Variants in RIMBP2 observed in about 807,000 individuals in gnomAD.
The protein encoded by RIMBP2 is RIMS binding protein 2.
RIMBP2 carries 48 observed loss-of-function variants against 118.6 expected under a neutral mutation model. The observed-to-expected ratio is 0.40, with a 90% CI of 0.32 to 0.51. The LOEUF is 0.51. Ranked by LOEUF, RIMBP2 falls within the 20% of genes least tolerant of loss-of-function variation. The pLI is 0.41. For synonymous variants in RIMBP2, 762 were observed against 742.9 expected (o/e 1.03, Z -0.42); for missense variants, 1,551 against 1,768.3 (o/e 0.88, Z 2.20).
chr12:130,453,222 G>A (rs1349509284), intron 7 of RIMBP2, among the ~76,000 whole-genome samples: 6 of 152,278 alleles, frequency 3.9e-5, no homozygotes, highest in Admixed American at 3.3e-4. Flanking sequence ...CATGAGCAAC[G>A]CCTGCCCTCA....
At chr12:130,439,406 T>C (rs1428862308) in intron 11 of RIMBP2, among the ~76,000 whole-genome samples, 2 of 150,180 alleles carry the variant, frequency 1.3e-5, no homozygotes, top group African/African-American at 2.5e-5. Flanking sequence ...TGTGTATGTA[T>C]ATATGTGTAT....
At chr12:130,537,798 C>G (rs910273332) in intron 2 of RIMBP2, among the ~76,000 whole-genome samples, 1 of 152,148 alleles carries the variant, frequency 6.6e-6, no homozygotes, top group Non-Finnish European at 1.5e-5. Context: ...AATGAGTTTG[C>G]CTATCTGCCT....
At chr12:130,512,098 T>C (rs991056156) in intron 3 of RIMBP2, among the ~76,000 whole-genome samples, 20 of 152,290 alleles carry the variant, frequency 1.3e-4, no homozygotes, top group Non-Finnish European at 1.2e-4. Context: ...TAAAACACGA[T>C]AAATATTGGC....
intron 1 of RIMBP2, among the ~76,000 whole-genome samples, chr12:130,713,764 C>T (rs1205110357): frequency 6.6e-6 from 1 of 152,184 alleles, no homozygotes; most frequent in African/African-American, 2.4e-5. Context: ...AGGAAGCTCC[C>T]GGGTCAGGCC....
Position 130,451,221 on chromosome 12 carries a change from T to A in RIMBP2, c.478A>T (p.Ser160Cys). 2 of 1,614,088 alleles carry A rather than the reference T, an allele frequency of 1.2e-6. No individual in the cohort carries two copies. The highest frequency in any genetic ancestry group is 1.7e-6 in the Non-Finnish European group (2 of 1,179,970). ...TCTGACTCAGATCTGCATCTTGCGC[T>A]ACCGGATCTCGACAGGAAGGTGGGC... is the stretch of plus-strand genomic sequence containing the variant. ...AKPTFLSRSGSARCRSESDME... is the reference protein window; with the variant it reads ...AKPTFLSRSGCARCRSESDME... Residue 160 changes from serine (S) to cysteine (C), a missense_variant, in exon 8 of 23, where the codon AGC becomes TGC. Around this residue, in one of 5 missense-constraint regions of RIMBP2, gnomAD observed 239 missense variants for 256.8 expected, o/e 0.93. Transcript: ENST00000690449.
At position 130,482,956 on chromosome 12, in the gene RIMBP2, C is replaced by T. The variant is rs113028383; in HGVS notation, c.-3-3940G>A. On this transcript the variant is annotated intron_variant, in intron 4 of 22. Coordinates refer to ENST00000690449, the MANE Select transcript of RIMBP2 (RefSeq NM_001393629.1). ...GTGTGTGTACATGTGTCAGATTCTG[C>T]AGGGGAGGGGGCAGACCTCATCCAA... Among the ~76,000 whole-genome samples, 495 of 93,656 alleles carry T rather than the reference C, an allele frequency of 5.3e-3. 19 individuals carry two copies. Among genetic ancestry groups the T allele is most frequent in the African/African-American group, 0.021 (474 of 22,298 alleles). The allele number at this position is 93,656 out of a possible 152,430, so 61.4% of individuals were successfully genotyped here. A position where few individuals can be genotyped will look rare whatever the true frequency, so the allele number is the denominator to read the frequency against.
In RIMBP2 at chr12:130,447,831, AG is replaced by A. The variant is rs1211529554; in HGVS notation, c.581+2368del. Reference sequence around the variant, plus strand: ...AGGGAGGAGACATGGACACAGAGGCAGCCCCTGCATGGAGGGCGGGGAGAGG... The same window carrying A: ...AGGGAGGAGACATGGACACAGAGGCACCCCTGCATGGAGGGCGGGGAGAGG... On this transcript the variant is annotated intron_variant, in intron 9 of 22. Coordinates refer to ENST00000690449, the MANE Select transcript of RIMBP2 (RefSeq NM_001393629.1). The surrounding 1 kb of genome is among the most constrained non-coding windows in gnomAD (Gnocchi z 4.4). Among the ~76,000 whole-genome samples, 31 of 152,200 alleles carry A rather than the reference AG, an allele frequency of 2.0e-4. No individual in the cohort carries two copies.
chr12:130,473,450 C>T (rs909215231), intron 5 of RIMBP2, among the ~76,000 whole-genome samples: 4 of 152,184 alleles, frequency 2.6e-5, no homozygotes, highest in Non-Finnish European at 5.9e-5. Context: ...GGATGGCGCT[C>T]ACAGAAGGGA....
intron 7 of RIMBP2, among the ~76,000 whole-genome samples, chr12:130,453,599 C>T (rs146536184): frequency 0.014 from 2,138 of 152,324 alleles, 53 homozygotes; most frequent in African/African-American, 0.049. Flanking sequence ...AAACATGGCA[C>T]GGACGGCCCC....
chr12:130,600,855 C>A (rs2059833753), intron 2 of RIMBP2, among the ~76,000 whole-genome samples: 1 of 152,174 alleles, frequency 6.6e-6, no homozygotes, highest in African/African-American at 2.4e-5. Context: ...CAAGGGATGA[C>A]CAAGCTGCTA....
intron 2 of RIMBP2, among the ~76,000 whole-genome samples, chr12:130,556,237 G>A (rs1181272337): frequency 2.0e-5 from 3 of 152,134 alleles, no homozygotes; most frequent in Admixed American, 6.5e-5. Context: ...TTCATTAGCC[G>A]GCTGCAGGAT....
intron 10 of RIMBP2, 136 bp downstream of exon 10, chr12:130,445,024 G>A: frequency 1.7e-6 from 1 of 574,350 alleles, no homozygotes; most frequent in Middle Eastern, 2.9e-4. Context: ...TACGGAGTGG[G>A]GAAGGGTCAG....
At chr12:130,666,044 C>T (rs1293809564) in intron 1 of RIMBP2, among the ~76,000 whole-genome samples, 1 of 152,144 alleles carries the variant, frequency 6.6e-6, no homozygotes, top group Non-Finnish European at 1.5e-5. Context: ...GCTAACAGGA[C>T]CCAAGGCTGG....
At chr12:130,512,744 A>T (rs1228275583) in intron 3 of RIMBP2, among the ~76,000 whole-genome samples, 1 of 152,216 alleles carries the variant, frequency 6.6e-6, no homozygotes, top group Non-Finnish European at 1.5e-5. Context: ...AGAGATTTTC[A>T]CTAAGACACA....
At chr12:130,406,110 A>G (rs1198732138) in intron 21 of RIMBP2, 62 bp downstream of exon 21, 7 of 1,116,332 alleles carry the variant, frequency 6.3e-6, no homozygotes, top group Non-Finnish European at 9.5e-6. Flanking sequence ...GCAAAACAAA[A>G]CACACAAAAT....
rs1273714578 is a variant in RIMBP2, at chr12:130,525,025, G to A, written c.-216-7108C>T. Among the ~76,000 whole-genome samples, 1 of 152,202 alleles carries A rather than the reference G, an allele frequency of 6.6e-6. No individual in the cohort carries two copies. Among genetic ancestry groups the A allele is most frequent in the African/African-American group, 2.4e-5 (1 of 41,444 alleles). On this transcript the variant is annotated intron_variant, in intron 2 of 22. Transcript: ENST00000690449. The surrounding 1 kb of genome is among the most constrained non-coding windows in gnomAD (Gnocchi z 4.4). ...CCCACATGGCCCAGAGCTCAGGAAG[G>A]AGAGCCTGACCCAGACCCAGATGTG...
intron 1 of RIMBP2, among the ~76,000 whole-genome samples, chr12:130,640,016 T>C (rs1014180660): frequency 6.6e-6 from 1 of 152,224 alleles, no homozygotes; most frequent in Non-Finnish European, 1.5e-5. Flanking sequence ...GGGACCTGGC[T>C]AGCTTTCTAG....
At chr12:130,664,459 ACG>A (rs1491053194) in intron 1 of RIMBP2, among the ~76,000 whole-genome samples, 1 of 84,058 alleles carries the variant, frequency 1.2e-5, no homozygotes, top group East Asian at 4.1e-4. Flanking sequence ...ACACACATGC[ACG>A]CACACACACG....
intron 2 of RIMBP2, among the ~76,000 whole-genome samples, chr12:130,559,172 T>C (rs1363073233): frequency 1.3e-5 from 2 of 152,212 alleles, no homozygotes; most frequent in African/African-American, 4.8e-5. Flanking sequence ...GGTGAGAAGA[T>C]TTGAAATCGA....
Sources: gnomAD v4.1 joint callset for allele counts (sites outside exome capture counted in the v4.1 genomes callset) on GRCh38, gnomAD v4.1.1 for gene constraint, gnomAD v4.1.1 regional missense constraint, Gnocchi (gnomAD v3.1) non-coding constraint, MANE v1.5 for transcripts, NCBI Gene and HGNC (gene_info 2026-07-23, HGNC 2026-07-21) for gene names.